LRRC4C: variants seen among roughly 807,000 people sequenced by gnomAD.
LRRC4C encodes leucine rich repeat containing 4C.
In LRRC4C, 5 loss-of-function variants were observed where a neutral mutation model predicts 33.6. The observed-to-expected ratio is 0.15, with a 90% CI of 0.08 to 0.31. LRRC4C has a LOEUF of 0.31. Ranked by LOEUF, LRRC4C falls within the 10% of genes least tolerant of loss-of-function variation. The pLI is 1.00. For missense variants in LRRC4C, 560 were observed against 796.7 expected, an observed-to-expected ratio of 0.70 and a Z score of 3.58; for synonymous variants, 329 against 302.0, an observed-to-expected ratio of 1.09 and a Z score of -0.93.
At chr11:40,685,365 AT>A (rs200590541) in intron 2 of LRRC4C, among the ~76,000 whole-genome samples, 1 of 151,928 alleles carries the variant, frequency 6.6e-6, no homozygotes, top group African/African-American at 2.4e-5. Context: ...AGCAACTTCA[AT>A]TTTTTTAATA....
At chr11:41,339,013 T>G (rs1951547575) in intron 1 of LRRC4C, among the ~76,000 whole-genome samples, 1 of 152,142 alleles carries the variant, frequency 6.6e-6, no homozygotes, top group Admixed American at 6.5e-5. Context: ...GCTGAACAAA[T>G]TGGGCTGTTA....
intron 3 of LRRC4C, among the ~76,000 whole-genome samples, chr11:40,520,796 T>C (rs1253322400): frequency 6.6e-6 from 1 of 152,134 alleles, no homozygotes; most frequent in Non-Finnish European, 1.5e-5. Context: ...TGATGTGCAA[T>C]AAAGCAAAGT....
At chr11:40,295,430 T>C (rs560127766) in intron 4 of LRRC4C, among the ~76,000 whole-genome samples, 1 of 152,300 alleles carries the variant, frequency 6.6e-6, no homozygotes, top group Admixed American at 6.5e-5. Context: ...GAATATGTAC[T>C]TGGTTTAAAA....
intron 2 of LRRC4C, among the ~76,000 whole-genome samples, chr11:40,815,330 A>G (rs1409423579): frequency 6.6e-6 from 1 of 152,110 alleles, no homozygotes; most frequent in Non-Finnish European, 1.5e-5. Context: ...CCTTAATTCA[A>G]TTACCACTCA....
At chr11:40,453,684 T>A (rs970692484) in intron 3 of LRRC4C, among the ~76,000 whole-genome samples, 2 of 149,986 alleles carry the variant, frequency 1.3e-5, no homozygotes, top group African/African-American at 2.4e-5. Context: ...AGCAAAATAC[T>A]AGCAAACCAA....
chr11:40,330,817 AT>A (rs1465890957), intron 3 of LRRC4C, among the ~76,000 whole-genome samples: 1 of 152,146 alleles, frequency 6.6e-6, no homozygotes, highest in Admixed American at 6.5e-5. Flanking sequence ...CCAAGATAAG[AT>A]TTGGGTTAGG....
chr11:40,152,719 C>T (rs955522794), intron 5 of LRRC4C, among the ~76,000 whole-genome samples: 1 of 152,086 alleles, frequency 6.6e-6, no homozygotes, highest in African/African-American at 2.4e-5. Context: ...CAGCCATAAT[C>T]CTCCTAGGTA....
At chr11:40,757,494 G>C (rs1591639528) in intron 2 of LRRC4C, among the ~76,000 whole-genome samples, 1 of 151,694 alleles carries the variant, frequency 6.6e-6, no homozygotes. Context: ...AAAAGGAATT[G>C]TGCCTTATTT....
chr11:40,139,484 G>T (rs1240964504), intron 6 of LRRC4C, among the ~76,000 whole-genome samples: 1 of 152,110 alleles, frequency 6.6e-6, no homozygotes, highest in Non-Finnish European at 1.5e-5. Flanking sequence ...CATTGCATGT[G>T]AATAAAATGC....
chr11:40,452,795 T>C (rs7111886), intron 3 of LRRC4C, among the ~76,000 whole-genome samples: 54,622 of 151,882 alleles, frequency 0.36, 10,334 homozygotes, highest in East Asian at 0.52. Context: ...TGTCCAACAA[T>C]GATAGACTGG....
At chr11:41,086,089 A>G (rs75994133) in intron 1 of LRRC4C, among the ~76,000 whole-genome samples, 1,699 of 152,220 alleles carry the variant, frequency 0.011, 7 homozygotes, top group Middle Eastern at 0.044. Flanking sequence ...TAGTGTATCA[A>G]ATGTCAGGTT....
At chr11:40,522,377 C>T (rs977031860) in intron 3 of LRRC4C, among the ~76,000 whole-genome samples, 1 of 152,100 alleles carries the variant, frequency 6.6e-6, no homozygotes, top group Non-Finnish European at 1.5e-5. Flanking sequence ...TATGGTTTGG[C>T]TGTGTCCCCA....
At chr11:41,164,342 G>A (rs1169027131) in intron 1 of LRRC4C, among the ~76,000 whole-genome samples, 1 of 151,856 alleles carries the variant, frequency 6.6e-6, no homozygotes, top group African/African-American at 2.4e-5. Flanking sequence ...ACAATAACAA[G>A]CATGAAGCCA....
intron 3 of LRRC4C, among the ~76,000 whole-genome samples, chr11:40,514,418 T>C (rs552536413): frequency 6.6e-6 from 1 of 152,304 alleles, no homozygotes; most frequent in South Asian, 2.1e-4. Context: ...TTATTTGCTG[T>C]GTTGAAGCAT....
At chr11:41,425,415 C>T (rs1458005217) in intron 1 of LRRC4C, among the ~76,000 whole-genome samples, 1 of 152,032 alleles carries the variant, frequency 6.6e-6, no homozygotes, top group Non-Finnish European at 1.5e-5. Flanking sequence ...GGATGAATTA[C>T]CGTTCTGGGC....
At chr11:40,121,978 T>C (rs1855859429) in intron 6 of LRRC4C, among the ~76,000 whole-genome samples, 1 of 152,166 alleles carries the variant, frequency 6.6e-6, no homozygotes, top group Admixed American at 6.6e-5. Flanking sequence ...GACTTTGCTG[T>C]TCCACTGTCT....
At chr11:41,035,781 A>G (rs1421473895) in intron 1 of LRRC4C, among the ~76,000 whole-genome samples, 1 of 152,222 alleles carries the variant, frequency 6.6e-6, no homozygotes, top group Non-Finnish European at 1.5e-5. Context: ...ATAAATATGT[A>G]GAATTGAATG....
At chr11:40,358,173 A>G (rs1029743127) in intron 3 of LRRC4C, among the ~76,000 whole-genome samples, 1 of 143,182 alleles carries the variant, frequency 7.0e-6, no homozygotes, top group African/African-American at 2.6e-5. Context: ...AGAGAGAGAG[A>G]CTCTGTCTCA....
chr11:40,964,015 T>C (rs528295192), intron 1 of LRRC4C, among the ~76,000 whole-genome samples: 1 of 151,666 alleles, frequency 6.6e-6, no homozygotes, highest in Non-Finnish European at 1.5e-5. Flanking sequence ...ATTTGACCTC[T>C]CTATGCCTTG....
Sources: gnomAD v4.1 joint callset for allele counts (sites outside exome capture counted in the v4.1 genomes callset) on GRCh38, gnomAD v4.1.1 for gene constraint, MANE v1.5 for transcripts, NCBI Gene and HGNC (gene_info 2026-07-23, HGNC 2026-07-21) for gene names.